PDE1A: variants seen among roughly 807,000 people sequenced by gnomAD.
The protein encoded by PDE1A is phosphodiesterase 1A.
Under a neutral mutation model 61.7 loss-of-function variants are expected in PDE1A, and 35 were observed. The observed-to-expected ratio is 0.57, with a 90% CI of 0.43 to 0.75. The LOEUF is 0.75. PDE1A is among the 30% of genes least tolerant of loss of function. The pLI, the probability that PDE1A is intolerant of heterozygous loss-of-function variation, is 0.00. For missense variants in PDE1A, 597 were observed against 630.6 expected (o/e 0.95, Z 0.57); for synonymous variants, 232 against 213.2 (o/e 1.09, Z -0.77).
intron 2 of PDE1A, among the ~76,000 whole-genome samples, chr2:182,443,310 T>C (rs894988109): frequency 2.0e-5 from 3 of 152,020 alleles, no homozygotes; most frequent in Non-Finnish European, 4.4e-5. Context: ...TTATATTACA[T>C]AAAATATTAT....
chr2:182,277,787 A>G (rs1693534565), intron 1 of PDE1A, among the ~76,000 whole-genome samples: 2 of 152,192 alleles, frequency 1.3e-5, no homozygotes, highest in African/African-American at 4.8e-5. Context: ...ATTGAGATGC[A>G]CTGAGTTTCA....
the PDE1A span, among the ~76,000 whole-genome samples, chr2:182,586,916 T>A: frequency 6.6e-6 from 1 of 152,200 alleles, no homozygotes; most frequent in African/African-American, 2.4e-5. Context: ...AGTAATCTGT[T>A]AATTATAATT....
chr2:182,681,199 G>C, the PDE1A span, among the ~76,000 whole-genome samples: 1 of 151,288 alleles, frequency 6.6e-6, no homozygotes, highest in East Asian at 1.9e-4. Context: ...TCCTTCAAGA[G>C]ATACATTTTC....
rs142115042 is a variant in PDE1A, at chr2:182,321,567, G to C, written c.54-57153C>G. On this transcript the variant is annotated intron_variant, in intron 1 of 13. Transcript: ENST00000351439. ...TATATGGATCAAAGATGAGAGAGAG[G>C]AGCCACAAAGAAGGGAGTCTATTAC... 1.8e-4 allele frequency among the ~76,000 whole-genome samples: 28 copies of C among 152,216 alleles called. 1 individual carries two copies. In the East Asian group the frequency reaches 5.4e-3, roughly 29 times the overall value.
At chr2:182,562,061 C>T in the PDE1A span, among the ~76,000 whole-genome samples, 1 of 150,188 alleles carries the variant, frequency 6.7e-6, no homozygotes, top group Non-Finnish European at 1.5e-5. Context: ...CTTCTCCTGC[C>T]TGATTGCCCT....
chr2:182,216,137 G>A (rs759117387), intron 7 of PDE1A, among the ~76,000 whole-genome samples: 48 of 79,776 alleles, frequency 6.0e-4, no homozygotes, highest in African/African-American at 1.8e-3. Flanking sequence ...AATGTAATCC[G>A]GCATATAAAC....
At chr2:182,593,163 A>T in the PDE1A span, among the ~76,000 whole-genome samples, 1 of 152,180 alleles carries the variant, frequency 6.6e-6, no homozygotes, top group Non-Finnish European at 1.5e-5. Flanking sequence ...AAAAACATAG[A>T]AGGTGTTATC....
intron 1 of PDE1A, among the ~76,000 whole-genome samples, chr2:182,271,591 C>A (rs1693030240): frequency 6.6e-6 from 1 of 152,090 alleles, no homozygotes; most frequent in Non-Finnish European, 1.5e-5. Flanking sequence ...GTTAGAAATG[C>A]TTTCAAGATC....
chr2:182,676,114 CA>C, the PDE1A span, among the ~76,000 whole-genome samples: 1 of 150,930 alleles, frequency 6.6e-6, no homozygotes, highest in East Asian at 1.9e-4. Flanking sequence ...TAATTCAGAC[CA>C]AAAAAAACCA....
the PDE1A span, among the ~76,000 whole-genome samples, chr2:182,714,340 T>C: frequency 6.6e-6 from 1 of 152,140 alleles, no homozygotes; most frequent in Non-Finnish European, 1.5e-5. Flanking sequence ...GATCTGATGA[T>C]TTTTCTCCTA....
chr2:182,628,924 G>A, the PDE1A span, among the ~76,000 whole-genome samples: 59 of 152,112 alleles, frequency 3.9e-4, no homozygotes, highest in African/African-American at 1.4e-3. Context: ...GGTATGGGAT[G>A]TCAGTCTTGT....
At chr2:182,161,259 C>G (rs1691362322) in intron 13 of PDE1A, among the ~76,000 whole-genome samples, 1 of 152,032 alleles carries the variant, frequency 6.6e-6, no homozygotes, top group Admixed American at 6.6e-5. Context: ...AAATCAAACA[C>G]AAGCCTTCAG....
chr2:182,383,567 C>T (rs548642707), intron 1 of PDE1A, among the ~76,000 whole-genome samples: 2 of 151,898 alleles, frequency 1.3e-5, no homozygotes, highest in African/African-American at 4.8e-5. Flanking sequence ...TAGTTGGATG[C>T]AAGAAAATAT....
chr2:182,532,945 C>CAAAAAAAAAAAA, the PDE1A span, among the ~76,000 whole-genome samples: 12 of 21,174 alleles, frequency 5.7e-4, 2 homozygotes, highest in East Asian at 4.9e-3. Context: ...GACTCCGTCT[C>CAAAAAAAAAAAA]AAAAAAAAAA....
chr2:182,315,735 T>C (rs1696296874), intron 1 of PDE1A, among the ~76,000 whole-genome samples: 1 of 152,198 alleles, frequency 6.6e-6, no homozygotes, highest in African/African-American at 2.4e-5. Flanking sequence ...TAGGATGCTT[T>C]AGTGCCTGCC....
intron 1 of PDE1A, among the ~76,000 whole-genome samples, chr2:182,371,097 T>A (rs994155): frequency 0.024 from 3,676 of 152,258 alleles, 133 homozygotes; most frequent in African/African-American, 0.082. Flanking sequence ...AAGCAGCAGC[T>A]GGATGGAATC....
intron 1 of PDE1A, among the ~76,000 whole-genome samples, chr2:182,420,425 T>A (rs762922693): frequency 2.2e-4 from 33 of 152,190 alleles, no homozygotes; most frequent in Non-Finnish European, 4.1e-4. Flanking sequence ...CACTTTTATA[T>A]GACAAAGATA....
At chr2:182,186,941 C>T (rs1325142478) in intron 11 of PDE1A, among the ~76,000 whole-genome samples, 1 of 152,166 alleles carries the variant, frequency 6.6e-6, no homozygotes, top group Non-Finnish European at 1.5e-5. Flanking sequence ...CACCAGGGAT[C>T]ATTATCTTTT....
rs190560518 is a variant in PDE1A at position 182,345,848 on chromosome 2, G to A, written c.53+80730C>T. ...GTCCCCTCCCCGTGATTGCCTTTGC[G>A]TTATTTCCATAGCATACTCCACCAT... On this transcript the variant is annotated intron_variant, in intron 1 of 13. Transcript: ENST00000351439. 1.9e-3 allele frequency among the ~76,000 whole-genome samples: 293 copies of A among 152,142 alleles called. 1 individual carries two copies. Among genetic ancestry groups the A allele is most frequent in the African/African-American group, 6.4e-3 (265 of 41,500 alleles).
Sources: allele counts gnomAD v4.1 joint callset (sites outside exome capture counted in the v4.1 genomes callset), GRCh38; gene constraint gnomAD v4.1.1; transcripts MANE v1.5; gene names NCBI Gene and HGNC (gene_info 2026-07-23, HGNC 2026-07-21).